The following TNPO1 variants were observed in gnomAD, a reference collection of about 807,000 sequenced individuals.
TNPO1 encodes the protein transportin 1.
A neutral mutation model predicts 119.5 loss-of-function variants in TNPO1; 8 were observed. The observed-to-expected ratio is 0.07, with a 90% CI of 0.04 to 0.12. The LOEUF (loss-of-function observed/expected upper bound fraction) is 0.12, where lower values mean the gene tolerates loss of function less well. TNPO1 is among the 10% of genes least tolerant of loss of function. The pLI is 1.00. For synonymous variants in TNPO1, 362 were observed against 363.0 expected, an observed-to-expected ratio of 1.00 and a Z score of 0.03; for missense variants, 576 against 1,089.8, an observed-to-expected ratio of 0.53 and a Z score of 6.64.
chr5:72,907,758 T>G (rs552644808), intron 24 of TNPO1, among the ~76,000 whole-genome samples: 2 of 152,100 alleles, frequency 1.3e-5, no homozygotes, highest in Non-Finnish European at 2.9e-5. Context: ...AGAAGGCAAG[T>G]GTAGGCAGGG....
chr5:72,852,160 T>G (rs540953051), intron 3 of TNPO1, among the ~76,000 whole-genome samples: 3 of 152,222 alleles, frequency 2.0e-5, no homozygotes, highest in Non-Finnish European at 4.4e-5. Context: ...TTAAAAAACT[T>G]CTAAAAGTCT....
Position 72,896,545 on chromosome 5 carries a change from C to T in TNPO1, c.2231C>T (p.Ser744Phe), listed in dbSNP as rs1206115836. ...GCCACATGGGCAATTGGAGAAATCT[C>T]CATTCAAATGGGTAAGATGTTTTTC... ...NNATWAIGEI[S>F]IQMGIEMQPY... is the part of the protein sequence containing the mutation. Residue 744 changes from serine to phenylalanine, a missense_variant, in exon 19 of 25, where the codon TCC becomes TTC. Coordinates refer to ENST00000337273, the MANE Select transcript of TNPO1 (RefSeq NM_002270.4). 1 of 1,610,972 alleles carries T rather than the reference C, an allele frequency of 6.2e-7. No homozygotes were observed. The highest frequency in any genetic ancestry group is 1.3e-5 in the African/African-American group (1 of 74,796).
chr5:72,893,135 C>T lies in TNPO1; in HGVS notation c.1789-4C>T. 1.9e-6 allele frequency: 3 copies of T among 1,609,642 alleles called. No individual in the cohort carries two copies. Among genetic ancestry groups the T allele is most frequent in the Non-Finnish European group, 2.5e-6 (3 of 1,177,552 alleles). ...GTTTAGCATGTGTACTTTATTCTTCCTAGTGCCTATCTTCAGTTGCCACAG... is the reference window on the plus strand; with the variant it reads ...GTTTAGCATGTGTACTTTATTCTTCTTAGTGCCTATCTTCAGTTGCCACAG... On this transcript the variant is annotated splice_region_variant and splice_polypyrimidine_tract_variant and intron_variant, in intron 15 of 24. Coordinates refer to ENST00000337273, the MANE Select transcript of TNPO1 (RefSeq NM_002270.4).
rs1473110588 is a variant in TNPO1 at position 72,840,892 on chromosome 5, T to C, written c.16-7493T>C. Among the ~76,000 whole-genome samples the C allele has an allele frequency of 3.9e-5, 6 of 152,318 alleles. No homozygotes were observed. The East Asian group carries it at 1.2e-3, about 29-fold the overall frequency. On this transcript the variant is annotated intron_variant, in intron 1 of 24. Transcript: ENST00000337273. ...CTTTGTAATGCCAGAAAGTTAAAATTTTAACGTCTTAGCCTATTTTCAAGT... is the reference window on the plus strand; with the variant it reads ...CTTTGTAATGCCAGAAAGTTAAAATCTTAACGTCTTAGCCTATTTTCAAGT...
chr5:72,851,460 C>T (rs141250362), intron 3 of TNPO1, 141 bp downstream of exon 3: 9 of 579,606 alleles, frequency 1.6e-5, no homozygotes, highest in African/African-American at 1.5e-4. Flanking sequence ...TTAGTTAATA[C>T]CACTCAGTAT....
chr5:72,869,655 T>C (rs904781356), intron 6 of TNPO1, among the ~76,000 whole-genome samples: 1 of 152,206 alleles, frequency 6.6e-6, no homozygotes, highest in African/African-American at 2.4e-5. Context: ...GAAATTAGAA[T>C]TGAAAATATA....
chr5:72,855,713 A>G (rs1426241765), intron 3 of TNPO1, 61 bp from the exon 4 acceptor site: 4 of 1,397,234 alleles, frequency 2.9e-6, no homozygotes, highest in Non-Finnish European at 3.9e-6. Context: ...TTTAAAACTT[A>G]TCGGCACATT....
intron 1 of TNPO1, among the ~76,000 whole-genome samples, chr5:72,824,449 C>G (rs1048837835): frequency 6.6e-6 from 1 of 152,202 alleles, no homozygotes; most frequent in Non-Finnish European, 1.5e-5. Context: ...GAAACAGCTC[C>G]TCTGGTTCTT....
At chr5:72,840,004 T>A (rs1406534700) in intron 1 of TNPO1, among the ~76,000 whole-genome samples, 3 of 152,198 alleles carry the variant, frequency 2.0e-5, no homozygotes, top group Admixed American at 6.5e-5. Context: ...AAATTTGTGC[T>A]CTGAAAAGCA....
At position 72,887,995 on chromosome 5, in the gene TNPO1, A is replaced by G. The variant is rs1234065070; in HGVS notation, c.1304-83A>G. ...CAGTAGAAATATTCTGAATTTTTTCATAGATACGTGTTTTATTTTCATAAT... is the reference window on the plus strand; with the variant it reads ...CAGTAGAAATATTCTGAATTTTTTCGTAGATACGTGTTTTATTTTCATAAT... On this transcript the variant is annotated intron_variant, in intron 12 of 24. Coordinates refer to ENST00000337273, the MANE Select transcript of TNPO1 (RefSeq NM_002270.4). The G allele has an allele frequency of 4.6e-6, 6 of 1,291,692 alleles. No homozygotes were observed. The African/African-American group carries it at 6.0e-5, about 13-fold the overall frequency. 80.0% of individuals were successfully genotyped at this position (1,291,692 alleles called of 1,614,324 possible).
chr5:72,876,641 C>T (rs960030087), intron 8 of TNPO1, among the ~76,000 whole-genome samples: 1 of 151,914 alleles, frequency 6.6e-6, no homozygotes, highest in Admixed American at 6.6e-5. Context: ...TCTAAGAAGG[C>T]TTAATATTTG....
intron 1 of TNPO1, among the ~76,000 whole-genome samples, chr5:72,841,585 C>T (rs558012245): frequency 7.2e-5 from 11 of 152,078 alleles, no homozygotes; most frequent in South Asian, 2.1e-4. Flanking sequence ...GTGATCCGCC[C>T]GCCTCGGCTT....
At chr5:72,896,921 CTTTAAT>C (rs1303756851) in intron 19 of TNPO1, 129 bp from the exon 20 acceptor site, 3 of 446,258 alleles carry the variant, frequency 6.7e-6, no homozygotes, top group Non-Finnish European at 1.2e-5. Flanking sequence ...TTTGTAATTG[CTTTAAT>C]TTTAATTATT....
At position 72,888,142 on chromosome 5, in the gene TNPO1, T is replaced by C. The variant is rs984067594; in HGVS notation, c.1368T>C (p.Ser456=). 4 of 1,614,118 alleles carry C rather than the reference T, an allele frequency of 2.5e-6. No homozygotes were observed. Among genetic ancestry groups the C allele is most frequent in the Admixed American group, 3.3e-5 (2 of 60,018 alleles). The change falls in exon 13 of 25, where the codon TCT becomes TCC. Residue 456 remains serine (S), a synonymous_variant. Transcript: ENST00000337273. ...TTCCTCACCTTATTCAGTGCCTCTCTGATAAAAAGGCTCTTGTGCGTTCCA... is the reference window on the plus strand; with the variant it reads ...TTCCTCACCTTATTCAGTGCCTCTCCGATAAAAAGGCTCTTGTGCGTTCCA... The part of the protein sequence containing the change: ...ELIPHLIQCL[S]DKKALVRSIT...
At chr5:72,840,028 A>G (rs1744841000) in intron 1 of TNPO1, among the ~76,000 whole-genome samples, 1 of 152,226 alleles carries the variant, frequency 6.6e-6, no homozygotes. Flanking sequence ...TGCAGTTATC[A>G]TATCTGAAGT....
At chr5:72,832,151 A>G (rs1452988486) in intron 1 of TNPO1, among the ~76,000 whole-genome samples, 1 of 152,100 alleles carries the variant, frequency 6.6e-6, no homozygotes, top group Non-Finnish European at 1.5e-5. Flanking sequence ...ATATGGCTCA[A>G]TATAGATTGT....
intron 1 of TNPO1, among the ~76,000 whole-genome samples, chr5:72,847,239 CA>C (rs1406369120): frequency 6.6e-6 from 1 of 152,134 alleles, no homozygotes; most frequent in Admixed American, 6.5e-5. Flanking sequence ...CCCCTACTAG[CA>C]AGGGACTTTT....
intron 2 of TNPO1, among the ~76,000 whole-genome samples, chr5:72,850,008 C>T (rs1745426179): frequency 6.6e-6 from 1 of 152,182 alleles, no homozygotes; most frequent in Non-Finnish European, 1.5e-5. Context: ...AGTCAATTTA[C>T]AGTTTATTCT....
intron 1 of TNPO1, among the ~76,000 whole-genome samples, chr5:72,822,159 G>T (rs945981035): frequency 6.6e-6 from 1 of 152,136 alleles, no homozygotes; most frequent in Non-Finnish European, 1.5e-5. Flanking sequence ...GAATCATTAA[G>T]AGCAGAATAA....
Sources: allele counts gnomAD v4.1 joint callset (sites outside exome capture counted in the v4.1 genomes callset), GRCh38; gene constraint gnomAD v4.1.1; transcripts MANE v1.5; gene names NCBI Gene and HGNC (gene_info 2026-07-23, HGNC 2026-07-21).